Variants in ZMIZ1 observed in about 807,000 individuals in gnomAD.
ZMIZ1 encodes zinc finger MIZ-type containing 1, also known as zinc finger MIZ domain-containing protein 1.
A neutral mutation model predicts 113.9 loss-of-function variants in ZMIZ1; 17 were observed. That is an observed-to-expected ratio of 0.15 (90% CI 0.10 to 0.22). The LOEUF (loss-of-function observed/expected upper bound fraction) is 0.22, where lower values mean the gene tolerates loss of function less well. ZMIZ1 is among the 10% of genes least tolerant of loss of function. The pLI is 1.00. For synonymous variants in ZMIZ1, 607 were observed against 603.1 expected (o/e 1.01, Z -0.09); for missense variants, 1,059 against 1,477.8 (o/e 0.72, Z 4.65).
At chr10:79,151,961 C>T (rs1240877684) in intron 3 of ZMIZ1, among the ~76,000 whole-genome samples, 4 of 152,120 alleles carry the variant, frequency 2.6e-5, no homozygotes, top group Non-Finnish European at 4.4e-5. Flanking sequence ...TCTCGCCCGC[C>T]GCCATCTGGG....
intron 8 of ZMIZ1, chr10:79,285,423 G>A (rs1337337937): frequency 4.4e-6 from 2 of 454,638 alleles, no homozygotes; most frequent in Admixed American, 4.7e-5. Flanking sequence ...AGCCTTCGAA[G>A]GGAGGGGCTG....
chr10:79,227,548 T>A (rs1484723662), intron 7 of ZMIZ1, among the ~76,000 whole-genome samples: 1 of 152,208 alleles, frequency 6.6e-6, no homozygotes, highest in Non-Finnish European at 1.5e-5. Context: ...AAGGGGATTA[T>A]AATAATGCCT....
intron 2 of ZMIZ1, among the ~76,000 whole-genome samples, chr10:79,131,334 G>C (rs1844758573): frequency 6.6e-6 from 1 of 152,106 alleles, no homozygotes. Context: ...TCGGTGGCGG[G>C]GGATTGGGGA....
At chr10:79,161,030 C>T (rs1043205540) in intron 3 of ZMIZ1, among the ~76,000 whole-genome samples, 4 of 152,240 alleles carry the variant, frequency 2.6e-5, no homozygotes, top group Non-Finnish European at 4.4e-5. Context: ...TGTCATCCTC[C>T]CTCCTGCCCT....
intron 1 of ZMIZ1, among the ~76,000 whole-genome samples, chr10:79,093,815 G>A (rs1478721688): frequency 6.6e-6 from 1 of 152,158 alleles, no homozygotes; most frequent in Non-Finnish European, 1.5e-5. Context: ...CATCCCTGCC[G>A]CAAGCACTCT....
chr10:79,289,983 C>A, intron 9 of ZMIZ1, 94 bp downstream of exon 9: 1 of 1,263,914 alleles, frequency 7.9e-7, no homozygotes, highest in Non-Finnish European at 1.1e-6. Context: ...CCCTCACAGG[C>A]CTTGCCCTGC....
At position 79,307,510 on chromosome 10, in the gene ZMIZ1, C is replaced by G; in HGVS notation, c.2774C>G (p.Pro925Arg). Residue 925 changes from proline to arginine, a missense_variant, in exon 23 of 25, where the codon CCG (proline) becomes CGG (arginine). Transcript: ENST00000334512. The stretch of plus-strand genomic sequence containing the variant: ...GGGCCCCCCCAGCTCTCCCACCCCC[C>G]GGACATGCCCAACAACATGGCCGCC... ...MHGPPQLSHP[P>R]DMPNNMAALE... The G allele has an allele frequency of 1.9e-6, 3 of 1,612,468 alleles. No individual in the cohort carries two copies. Among genetic ancestry groups the G allele is most frequent in the Non-Finnish European group, 1.7e-6 (2 of 1,179,228 alleles).
intron 7 of ZMIZ1, among the ~76,000 whole-genome samples, chr10:79,230,648 G>T (rs974160763): frequency 6.6e-6 from 1 of 152,170 alleles, no homozygotes; most frequent in Non-Finnish European, 1.5e-5. Flanking sequence ...CACAGACGGC[G>T]GGAAAGTGGT....
intron 4 of ZMIZ1, among the ~76,000 whole-genome samples, chr10:79,194,698 T>G (rs976486197): frequency 1.3e-5 from 2 of 152,122 alleles, no homozygotes; most frequent in African/African-American, 4.8e-5. Context: ...TCTCCCCACC[T>G]CCGCTTCCCA....
intron 8 of ZMIZ1, among the ~76,000 whole-genome samples, chr10:79,279,539 G>A (rs548800706): frequency 6.6e-6 from 1 of 152,242 alleles, no homozygotes; most frequent in South Asian, 2.1e-4. Context: ...AGGCAGAGAC[G>A]CTCCTCACTT....
At chr10:79,240,515 A>C (rs1233452393) in intron 7 of ZMIZ1, among the ~76,000 whole-genome samples, 3 of 152,010 alleles carry the variant, frequency 2.0e-5, no homozygotes, top group Non-Finnish European at 4.4e-5. Flanking sequence ...GGCCAGAGAG[A>C]GCCTTGAAAT....
At chr10:79,133,407 G>A (rs1454894607) in intron 2 of ZMIZ1, among the ~76,000 whole-genome samples, 2 of 152,198 alleles carry the variant, frequency 1.3e-5, no homozygotes, top group African/African-American at 4.8e-5. Context: ...CGGGAGGAAA[G>A]GAAGAATATT....
chr10:79,296,711 C>A lies in ZMIZ1; in HGVS notation c.1413+58C>A, dbSNP rs558369957. 2.7e-6 allele frequency: 4 copies of A among 1,470,048 alleles called. No individual in the cohort carries two copies. Among genetic ancestry groups the A allele is most frequent in the Non-Finnish European group, 3.6e-6 (4 of 1,097,032 alleles). The allele number at this position is 1,470,048 out of a possible 1,614,324, so 91.1% of individuals were successfully genotyped here. On this transcript the variant is annotated intron_variant, in intron 13 of 24. Coordinates refer to ENST00000334512, the MANE Select transcript of ZMIZ1 (RefSeq NM_020338.4). This position sits in a 1 kb window ranked among gnomAD's most constrained non-coding sequence, Gnocchi z 4.1. Reference sequence around the variant, plus strand: ...CCCTTCCCTCCTAACCACCTCACTCCCCTAACTCCACCGGGATCACTCTGA... The same window carrying A: ...CCCTTCCCTCCTAACCACCTCACTCACCTAACTCCACCGGGATCACTCTGA...
chr10:79,075,700 T>A (rs1842450992), intron 1 of ZMIZ1, among the ~76,000 whole-genome samples: 1 of 152,238 alleles, frequency 6.6e-6, no homozygotes, highest in Admixed American at 6.5e-5. Flanking sequence ...TCCTGAGACC[T>A]GAGAGCTCTC....
chr10:79,279,367 G>T (rs9665287), intron 8 of ZMIZ1, among the ~76,000 whole-genome samples: 9 of 151,440 alleles, frequency 5.9e-5, no homozygotes, highest in Admixed American at 3.9e-4. Context: ...TCTCAGACGG[G>T]GTGGCGGGGC....
At chr10:79,110,138 G>A (rs1843687553) in intron 1 of ZMIZ1, among the ~76,000 whole-genome samples, 1 of 152,216 alleles carries the variant, frequency 6.6e-6, no homozygotes, top group African/African-American at 2.4e-5. Context: ...ATGTGGGAAG[G>A]TTACTTCATC....
At chr10:79,136,303 G>C (rs376334317) in intron 2 of ZMIZ1, among the ~76,000 whole-genome samples, 1 of 152,218 alleles carries the variant, frequency 6.6e-6, no homozygotes, top group African/African-American at 2.4e-5. Flanking sequence ...GGCCCAGCTC[G>C]TCTCTAGGAC....
In ZMIZ1 at chr10:79,316,282, CTAAT is replaced by C. The variant is rs1855529652; in HGVS notation, c.*3535_*3538del. The C allele has an allele frequency of 6.6e-6, 1 of 152,560 alleles. No homozygotes were observed. The highest frequency in any genetic ancestry group is 2.1e-4 in the South Asian group (1 of 4,830). The allele number at this position is 152,560 out of a possible 1,614,324, so 9.5% of individuals were successfully genotyped here. ...TTCATACTTTAAACTGGTCAAAAAACTAATTGTGATTTCTAGTCTTGCAAAGCTG... is the reference window on the plus strand; with the variant it reads ...TTCATACTTTAAACTGGTCAAAAAACTGTGATTTCTAGTCTTGCAAAGCTG... On this transcript the variant is annotated 3_prime_UTR_variant, in exon 25 of 25. Transcript: ENST00000334512.
intron 4 of ZMIZ1, among the ~76,000 whole-genome samples, chr10:79,171,111 T>G (rs1420441496): frequency 6.6e-6 from 1 of 152,196 alleles, no homozygotes; most frequent in Non-Finnish European, 1.5e-5. Flanking sequence ...CCACGCACAG[T>G]GCGGTGAGCT....
Sources: allele counts gnomAD v4.1 joint callset (sites outside exome capture counted in the v4.1 genomes callset), GRCh38; gene constraint gnomAD v4.1.1; non-coding constraint Gnocchi (gnomAD v3.1); transcripts MANE v1.5; gene names NCBI Gene and HGNC (gene_info 2026-07-23, HGNC 2026-07-21).